Variants in KDM4C observed in about 807,000 individuals in gnomAD.
The protein encoded by KDM4C is lysine-specific demethylase 4C.
Under a neutral mutation model 129.3 loss-of-function variants are expected in KDM4C, and 81 were observed. The observed-to-expected ratio is 0.63, with a 90% CI of 0.52 to 0.75. The LOEUF (loss-of-function observed/expected upper bound fraction) is 0.75. KDM4C is among the 30% of genes least tolerant of loss of function. The pLI, the probability that KDM4C is intolerant of heterozygous loss-of-function variation, is 0.00. For synonymous variants in KDM4C, 573 were observed against 456.1 expected, an observed-to-expected ratio of 1.26 and a Z score of -3.26; for missense variants, 1,457 against 1,304.0, an observed-to-expected ratio of 1.12 and a Z score of -1.81.
chr9:7,072,423 A>G (rs1028620943), intron 17 of KDM4C, among the ~76,000 whole-genome samples: 1 of 152,224 alleles, frequency 6.6e-6, no homozygotes, highest in East Asian at 1.9e-4. Flanking sequence ...CCTTCATACA[A>G]TATAATGCTA....
At chr9:7,117,704 T>G (rs1215715100) in intron 18 of KDM4C, among the ~76,000 whole-genome samples, 1 of 151,824 alleles carries the variant, frequency 6.6e-6, no homozygotes, top group African/African-American at 2.4e-5. Flanking sequence ...AATATATTGC[T>G]CTTCCTAAAT....
intron 17 of KDM4C, among the ~76,000 whole-genome samples, chr9:7,060,530 G>C (rs901198566): frequency 1.3e-5 from 2 of 151,164 alleles, no homozygotes; most frequent in African/African-American, 4.8e-5. Context: ...TCACCAGGCT[G>C]GAGTGCAGTG....
intron 18 of KDM4C, among the ~76,000 whole-genome samples, chr9:7,114,792 G>A (rs7868113): frequency 0.79 from 119,847 of 151,984 alleles, 47,392 homozygotes; most frequent in Admixed American, 0.85. Flanking sequence ...ACCCCACGGT[G>A]GGGGCACCTG....
At chr9:7,131,643 A>G (rs12377459) in intron 19 of KDM4C, among the ~76,000 whole-genome samples, 81,929 of 151,960 alleles carry the variant, frequency 0.54, 22,485 homozygotes, top group Middle Eastern at 0.63. Context: ...TAAGTCATGG[A>G]TTTAATTGCT....
chr9:6,812,716 A>T (rs1474053750), intron 3 of KDM4C, among the ~76,000 whole-genome samples: 1 of 152,102 alleles, frequency 6.6e-6, no homozygotes, highest in Non-Finnish European at 1.5e-5. Context: ...TTGGGGACCC[A>T]TTCTCCGGGA....
chr9:7,117,399 T>TA (rs1243365086), intron 18 of KDM4C, among the ~76,000 whole-genome samples: 1 of 152,164 alleles, frequency 6.6e-6, no homozygotes, highest in African/African-American at 2.4e-5. Context: ...AGGCAGGAGT[T>TA]ACCACTGAGT....
intron 1 of KDM4C, among the ~76,000 whole-genome samples, chr9:6,771,779 G>A (rs1821897857): frequency 6.6e-6 from 1 of 152,196 alleles, no homozygotes; most frequent in African/African-American, 2.4e-5. Flanking sequence ...GGGTGCAGGG[G>A]CAGTACAGTC....
intron 19 of KDM4C, among the ~76,000 whole-genome samples, chr9:7,135,328 C>T (rs74734628): frequency 0.011 from 1,670 of 152,300 alleles, 34 homozygotes; most frequent in African/African-American, 0.038. Flanking sequence ...AGGTGATTGG[C>T]ATTGGGAACT....
intron 6 of KDM4C, among the ~76,000 whole-genome samples, chr9:6,886,828 G>A (rs1356497775): frequency 6.6e-6 from 1 of 151,896 alleles, no homozygotes; most frequent in African/African-American, 2.4e-5. Context: ...TGCTGTGTTA[G>A]GCTTGTCCCA....
chr9:6,843,484 G>T (rs1837338742), intron 4 of KDM4C, among the ~76,000 whole-genome samples: 1 of 152,204 alleles, frequency 6.6e-6, no homozygotes, highest in Admixed American at 6.5e-5. Flanking sequence ...CTTCTGCTAG[G>T]AATAATGTAT....
chr9:6,984,143 A>T lies in KDM4C; in HGVS notation c.1116-23A>T, dbSNP rs1378720839. 5 of 1,515,406 alleles carry T rather than the reference A, an allele frequency of 3.3e-6. 1 individual carries two copies. The highest frequency in any genetic ancestry group is 4.6e-6 in the Non-Finnish European group (5 of 1,091,436). The allele number at this position is 1,515,406 out of a possible 1,614,324, so 93.9% of individuals were successfully genotyped here. On this transcript the variant is annotated intron_variant, in intron 9 of 21. Transcript: ENST00000381309. The stretch of plus-strand genomic sequence containing the variant: ...TATCCATTGCAGACATCCCGCTCTG[A>T]CCACTGCTTCTCTTGTTGACAGCTT...
At chr9:7,103,316 C>A (rs988826988) in intron 17 of KDM4C, among the ~76,000 whole-genome samples, 5 of 152,200 alleles carry the variant, frequency 3.3e-5, no homozygotes, top group African/African-American at 4.8e-5. Context: ...AAAGACCTGT[C>A]ATGCAGGAGG....
At chr9:6,852,791 A>G (rs139232962) in intron 5 of KDM4C, among the ~76,000 whole-genome samples, 1 of 152,240 alleles carries the variant, frequency 6.6e-6, no homozygotes, top group East Asian at 1.9e-4. Flanking sequence ...AAGACTGCCT[A>G]CGATTCCCTC....
At position 6,805,601 on chromosome 9, in the gene KDM4C, G is replaced by T. The variant is rs1003561658; in HGVS notation, c.147G>T (p.Val49=). The T allele has an allele frequency of 1.9e-6, 3 of 1,591,346 alleles. No homozygotes were observed. The highest frequency in any genetic ancestry group is 2.6e-6 in the Non-Finnish European group (3 of 1,171,724). ...KGAHRAGLAK[V]IPPKEWKPRQ... is the part of the protein sequence containing the mutation. ...TTATTTCATTATTTTATTTTTAGGT[G>T]ATTCCTCCTAAGGAGTGGAAGCCAA... The change falls in exon 3 of 22, where the codon GTG becomes GTT. Residue 49 remains valine (V), a splice_region_variant and synonymous_variant. Coordinates refer to ENST00000381309, the MANE Select transcript of KDM4C (RefSeq NM_015061.6).
At position 6,963,960 on chromosome 9, in the gene KDM4C, C is replaced by T. The variant is rs540694925; in HGVS notation, c.922-16965C>T. On this transcript the variant is annotated intron_variant, in intron 8 of 21. Coordinates refer to ENST00000381309, the MANE Select transcript of KDM4C (RefSeq NM_015061.6). The stretch of plus-strand genomic sequence containing the variant: ...GAATGTTTGAAAAATGGTTAGAAAG[C>T]AGCTTCATTTGCAAGCTGTTGGAGC... Among the ~76,000 whole-genome samples, 6 of 152,198 alleles carry T rather than the reference C, an allele frequency of 3.9e-5. No individual in the cohort carries two copies. In the East Asian group the frequency reaches 5.8e-4, roughly 15 times the overall value.
chr9:7,119,209 G>C (rs1214139204), intron 18 of KDM4C, among the ~76,000 whole-genome samples: 1 of 152,016 alleles, frequency 6.6e-6, no homozygotes, highest in Non-Finnish European at 1.5e-5. Flanking sequence ...TTTAGTGACA[G>C]TATATACAAG....
chr9:7,085,255 G>A (rs1355497128), intron 17 of KDM4C, among the ~76,000 whole-genome samples: 2 of 152,240 alleles, frequency 1.3e-5, no homozygotes, highest in African/African-American at 4.8e-5. Flanking sequence ...TTGTGTGGCA[G>A]TGAGTAAACA....
At chr9:6,899,711 A>G (rs1235002975) in intron 8 of KDM4C, among the ~76,000 whole-genome samples, 1 of 152,198 alleles carries the variant, frequency 6.6e-6, no homozygotes, top group Non-Finnish European at 1.5e-5. Context: ...GGGATTCAGG[A>G]TATCTGAAAC....
chr9:7,160,050 A>G (rs1843617629), intron 19 of KDM4C, among the ~76,000 whole-genome samples: 1 of 151,930 alleles, frequency 6.6e-6, no homozygotes, highest in Non-Finnish European at 1.5e-5. Flanking sequence ...TTTTTCTCTG[A>G]CCTTGTCTTC....
Sources: allele counts gnomAD v4.1 joint callset (sites outside exome capture counted in the v4.1 genomes callset), GRCh38; gene constraint gnomAD v4.1.1; transcripts MANE v1.5; gene names NCBI Gene and HGNC (gene_info 2026-07-23, HGNC 2026-07-21).